ABI3BP: variants seen among roughly 807,000 people sequenced by gnomAD.
ABI3BP encodes ABI family member 3 binding protein.
ABI3BP carries 216 observed loss-of-function variants against 268.6 expected under a neutral mutation model. That is an observed-to-expected ratio of 0.80 (90% CI 0.72 to 0.90). The LOEUF is 0.90. ABI3BP is among the 40% of genes least tolerant of loss of function. The pLI is 0.00. For synonymous variants in ABI3BP, 730 were observed against 730.0 expected (o/e 1.00, Z 0.00); for missense variants, 2,090 against 2,182.4 (o/e 0.96, Z 0.84).
chr3:100,935,420 C>CA (rs2065631980), intron 1 of ABI3BP, among the ~76,000 whole-genome samples: 1 of 152,070 alleles, frequency 6.6e-6, no homozygotes, highest in African/African-American at 2.4e-5. Flanking sequence ...GTGATGCCTC[C>CA]AGCTTTGTTC....
At chr3:100,916,772 T>G (rs1398139053) in intron 2 of ABI3BP, among the ~76,000 whole-genome samples, 1 of 152,218 alleles carries the variant, frequency 6.6e-6, no homozygotes, top group Non-Finnish European at 1.5e-5. Flanking sequence ...CAACCCTTGA[T>G]TTTGTCTCCC....
rs756529729 is a variant in ABI3BP, at chr3:100,875,503, CTCACCTAGTA to C, written c.812_817+4del. 1 of 1,604,532 alleles carries C rather than the reference CTCACCTAGTA, an allele frequency of 6.2e-7. No homozygotes were observed. Among genetic ancestry groups the C allele is most frequent in the Admixed American group, 1.7e-5 (1 of 59,974 alleles). ...ATCTCGGCATAGATTTCGAGATCCACTCACCTAGTATCACTCCTCCCAGTGGAGCTTTTTC... is the reference window on the plus strand; with the variant it reads ...ATCTCGGCATAGATTTCGAGATCCACTCACTCCTCCCAGTGGAGCTTTTTC... On this transcript the variant is annotated splice_donor_variant and splice_donor_region_variant and coding_sequence_variant and intron_variant, in exon 8 of 68. Coordinates refer to ENST00000471714, the MANE Select transcript of ABI3BP (RefSeq NM_001375547.2). LOFTEE classifies it high-confidence loss of function.
intron 1 of ABI3BP, among the ~76,000 whole-genome samples, chr3:100,980,249 T>G (rs2088651792): frequency 6.6e-6 from 1 of 152,184 alleles, no homozygotes; most frequent in Non-Finnish European, 1.5e-5. Context: ...TTCTTTTTTT[T>G]GAGATGGAGT....
intron 36 of ABI3BP, 82 bp downstream of exon 36, chr3:100,824,773 TTGC>T: frequency 8.7e-7 from 1 of 1,149,114 alleles, no homozygotes; most frequent in Non-Finnish European, 1.2e-6. Context: ...ATAAGACCTG[TTGC>T]TGCTCAGCAT....
intron 1 of ABI3BP, among the ~76,000 whole-genome samples, chr3:100,953,678 C>T (rs1005255717): frequency 3.9e-5 from 6 of 152,010 alleles, no homozygotes; most frequent in African/African-American, 1.4e-4. Context: ...CAAAGCAATG[C>T]TTTACATTTC....
intron 20 of ABI3BP, chr3:100,844,348 A>G (rs2098743443): frequency 1.0e-6 from 1 of 985,352 alleles, no homozygotes; most frequent in South Asian, 4.7e-5. Flanking sequence ...GACGAGGTAG[A>G]CAAGTTAAGA....
chr3:100,780,793 G>A (rs1313937378), intron 57 of ABI3BP, among the ~76,000 whole-genome samples: 1 of 152,146 alleles, frequency 6.6e-6, no homozygotes, highest in Non-Finnish European at 1.5e-5. Flanking sequence ...GAAAGAAACT[G>A]ATTTGAAAAT....
intron 1 of ABI3BP, among the ~76,000 whole-genome samples, chr3:100,947,389 A>G (rs2153740035): frequency 1.3e-5 from 2 of 152,348 alleles, no homozygotes; most frequent in South Asian, 4.1e-4. Context: ...CGCAAAATCT[A>G]ACTGAATGAA....
chr3:100,785,708 C>G (rs1022357280), intron 57 of ABI3BP, among the ~76,000 whole-genome samples: 2 of 152,164 alleles, frequency 1.3e-5, no homozygotes, highest in Non-Finnish European at 2.9e-5. Context: ...TTAGTTGCAG[C>G]TTTTTCTAGT....
chr3:100,830,161 A>G (rs1008453503), intron 32 of ABI3BP, among the ~76,000 whole-genome samples: 1 of 100,042 alleles, frequency 1.0e-5, no homozygotes, highest in African/African-American at 3.8e-5. Context: ...ATATATATAT[A>G]TATAAAATGC....
chr3:100,795,223 C>T (rs754462), intron 53 of ABI3BP, among the ~76,000 whole-genome samples: 46,669 of 151,904 alleles, frequency 0.31, 9,496 homozygotes, highest in African/African-American at 0.58. Context: ...TGTTCTTGAA[C>T]CAATCCATCA....
At chr3:100,891,444 A>G (rs2044602870) in intron 4 of ABI3BP, among the ~76,000 whole-genome samples, 1 of 152,236 alleles carries the variant, frequency 6.6e-6, no homozygotes, top group Admixed American at 6.5e-5. Context: ...ACACTGCATT[A>G]ACCATTTTAC....
chr3:100,932,608 C>T (rs1296845074), intron 1 of ABI3BP, among the ~76,000 whole-genome samples: 1 of 152,116 alleles, frequency 6.6e-6, no homozygotes, highest in African/African-American at 2.4e-5. Context: ...TTCCCAACAT[C>T]ACTAATCGTT....
intron 2 of ABI3BP, among the ~76,000 whole-genome samples, chr3:100,915,442 T>C (rs749080682): frequency 3.3e-5 from 5 of 152,196 alleles, no homozygotes; most frequent in South Asian, 4.1e-4. Flanking sequence ...GATGTCATTA[T>C]GGAGGTGTGC....
At chr3:100,975,138 A>AT (rs899650946) in intron 1 of ABI3BP, among the ~76,000 whole-genome samples, 13 of 152,206 alleles carry the variant, frequency 8.5e-5, no homozygotes, top group African/African-American at 2.9e-4. Flanking sequence ...TAGTATAGGG[A>AT]TTTTTTTCAA....
intron 2 of ABI3BP, among the ~76,000 whole-genome samples, chr3:100,904,937 T>A (rs1260157768): frequency 6.6e-6 from 1 of 152,232 alleles, no homozygotes; most frequent in Non-Finnish European, 1.5e-5. Context: ...TTATAAATCA[T>A]GCTGCTATAA....
intron 44 of ABI3BP, among the ~76,000 whole-genome samples, chr3:100,814,507 A>G (rs1182812154): frequency 6.6e-6 from 1 of 152,072 alleles, no homozygotes; most frequent in Admixed American, 6.6e-5. Context: ...ATCAGCCCAC[A>G]TCGTTCCTTG....
chr3:100,952,239 C>T (rs978969278), intron 1 of ABI3BP, among the ~76,000 whole-genome samples: 13 of 151,930 alleles, frequency 8.6e-5, no homozygotes, highest in African/African-American at 3.1e-4. Flanking sequence ...TAGTTAATAA[C>T]AATATAGTTA....
chr3:100,752,479 G>C (rs940715288), intron 66 of ABI3BP: 1 of 249,972 alleles, frequency 4.0e-6, no homozygotes, highest in Middle Eastern at 1.3e-3. Flanking sequence ...TTTATTGTCA[G>C]TCGGTTTTTT....
Sources: gnomAD v4.1 joint callset for allele counts (sites outside exome capture counted in the v4.1 genomes callset) on GRCh38, gnomAD v4.1.1 for gene constraint, MANE v1.5 for transcripts, NCBI Gene and HGNC (gene_info 2026-07-23, HGNC 2026-07-21) for gene names.